APBB2: variants seen among roughly 807,000 people sequenced by gnomAD.
APBB2 encodes the protein amyloid beta precursor protein binding family B member 2, also known as Fe65-like 1.
APBB2 carries 38 observed loss-of-function variants against 82.5 expected under a neutral mutation model. The observed-to-expected ratio is 0.46, with a 90% CI of 0.36 to 0.60. The LOEUF (loss-of-function observed/expected upper bound fraction) is 0.60, where lower values mean the gene tolerates loss of function less well. APBB2 is among the 20% of genes least tolerant of loss of function. The pLI is 0.00. For synonymous variants in APBB2, 341 were observed against 368.2 expected (o/e 0.93, Z 0.85); for missense variants, 772 against 972.3 (o/e 0.79, Z 2.74).
intron 5 of APBB2, among the ~76,000 whole-genome samples, chr4:41,022,423 T>G (rs565044866): frequency 1.1e-4 from 17 of 152,320 alleles, no homozygotes; most frequent in African/African-American, 3.1e-4. Context: ...CATGGAATGC[T>G]CTGATCGCAT....
chr4:40,884,085 C>T (rs1215330926), intron 12 of APBB2, among the ~76,000 whole-genome samples: 2 of 152,216 alleles, frequency 1.3e-5, no homozygotes, highest in Non-Finnish European at 2.9e-5. Flanking sequence ...GACCCAGCCT[C>T]TCCTCCCCTG....
chr4:41,019,044 C>A (rs913190809), intron 5 of APBB2, among the ~76,000 whole-genome samples: 2 of 152,164 alleles, frequency 1.3e-5, no homozygotes, highest in Non-Finnish European at 2.9e-5. Context: ...ATTGAAGAGT[C>A]TGGTGAATTG....
At chr4:41,091,311 C>A (rs534333164) in intron 3 of APBB2, among the ~76,000 whole-genome samples, 2 of 152,044 alleles carry the variant, frequency 1.3e-5, no homozygotes, top group Non-Finnish European at 2.9e-5. Flanking sequence ...TTTGCTCCAA[C>A]CTCCACTTCT....
intron 3 of APBB2, among the ~76,000 whole-genome samples, chr4:41,073,920 C>A (rs1490967646): frequency 6.6e-6 from 1 of 152,212 alleles, no homozygotes; most frequent in Non-Finnish European, 1.5e-5. Flanking sequence ...TCAAGACCAG[C>A]CTGGGCAATG....
chr4:40,900,415 A>G (rs1774933600), intron 10 of APBB2, among the ~76,000 whole-genome samples: 2 of 151,294 alleles, frequency 1.3e-5, no homozygotes, highest in African/African-American at 4.9e-5. Context: ...TGAAGGATAC[A>G]CTGAGGCACA....
intron 1 of APBB2, among the ~76,000 whole-genome samples, chr4:41,170,007 C>T (rs931252768): frequency 1.3e-4 from 20 of 151,944 alleles, no homozygotes; most frequent in Non-Finnish European, 2.1e-4. Flanking sequence ...ATTCAAAATC[C>T]GCATATAATA....
intron 1 of APBB2, among the ~76,000 whole-genome samples, chr4:41,178,623 C>T (rs1770477351): frequency 6.6e-6 from 1 of 152,322 alleles, no homozygotes; most frequent in African/African-American, 2.4e-5. Context: ...TCAAGGCTCA[C>T]ATCACCATCT....
chr4:40,918,580 A>G (rs997400850), intron 10 of APBB2, among the ~76,000 whole-genome samples: 4 of 152,190 alleles, frequency 2.6e-5, no homozygotes, highest in Non-Finnish European at 5.9e-5. Context: ...CTCAATAACA[A>G]CACGAACACT....
At chr4:41,135,924 G>A (rs1757432782) in intron 2 of APBB2, among the ~76,000 whole-genome samples, 1 of 152,158 alleles carries the variant, frequency 6.6e-6, no homozygotes, top group African/African-American at 2.4e-5. Context: ...TCTTGCCTCA[G>A]CCTCCTGAAT....
chr4:41,142,136 TCA>T, intron 2 of APBB2, among the ~76,000 whole-genome samples: 1 of 151,636 alleles, frequency 6.6e-6, no homozygotes, highest in Admixed American at 6.6e-5. Flanking sequence ...ATTCACTACT[TCA>T]CAGATTCTGA....
intron 2 of APBB2, among the ~76,000 whole-genome samples, chr4:41,123,812 C>G (rs2153996957): frequency 6.6e-6 from 1 of 151,896 alleles, no homozygotes; most frequent in South Asian, 2.1e-4. Context: ...GACAGCAAGA[C>G]TCTGTCTCAC....
At chr4:40,924,092 G>A (rs1782011222) in intron 10 of APBB2, among the ~76,000 whole-genome samples, 2 of 152,246 alleles carry the variant, frequency 1.3e-5, no homozygotes, top group Non-Finnish European at 2.9e-5. Flanking sequence ...ACGACCAGCT[G>A]TGCAAGCTTG....
chr4:40,863,701 T>C (rs1282616818), intron 12 of APBB2, among the ~76,000 whole-genome samples: 1 of 151,780 alleles, frequency 6.6e-6, no homozygotes, highest in African/African-American at 2.4e-5. Context: ...GAGGCCAGCC[T>C]GGCCAACATG....
chr4:40,856,243 G>A (rs923911605), intron 12 of APBB2, among the ~76,000 whole-genome samples: 1 of 152,212 alleles, frequency 6.6e-6, no homozygotes, highest in African/African-American at 2.4e-5. Context: ...CAGTAATGAA[G>A]ATTCACAGCT....
At chr4:40,934,822 G>A (rs1785015045) in intron 8 of APBB2, 123 bp from the exon 9 acceptor site, 2 of 761,484 alleles carry the variant, frequency 2.6e-6, no homozygotes, top group African/African-American at 1.8e-5. Context: ...CTTAGGCAGA[G>A]AAAGGCATGC....
rs779467299 is a variant in APBB2, at chr4:40,810,695, T to G, written c.*5397A>C. ...AGAAGAATTCTTCATGTTATCACTC[T>G]TGTACAGAAAGATATAAAGTGCTCA... On this transcript the variant is annotated 3_prime_UTR_variant, in exon 18 of 18. Transcript: ENST00000508593. The G allele has an allele frequency of 6.6e-6, 1 of 152,152 alleles. No individual in the cohort carries two copies. The highest frequency in any genetic ancestry group is 1.5e-5 in the Non-Finnish European group (1 of 68,010). 9.4% of individuals were successfully genotyped at this position (152,152 alleles called of 1,614,324 possible). A position where few individuals can be genotyped will look rare whatever the true frequency, so the allele number is the denominator to read the frequency against.
intron 1 of APBB2, among the ~76,000 whole-genome samples, chr4:41,211,808 T>C (rs35387550): frequency 0.079 from 12,099 of 152,264 alleles, 685 homozygotes; most frequent in Non-Finnish European, 0.12. Context: ...TAAAATGAAA[T>C]TGAAAAAGGT....
chr4:40,941,395 C>A (rs1220436760), intron 7 of APBB2, among the ~76,000 whole-genome samples: 6 of 152,152 alleles, frequency 3.9e-5, no homozygotes, highest in African/African-American at 1.4e-4. Flanking sequence ...TGTGACATAG[C>A]CTCCCTTAGG....
chr4:41,184,588 C>T (rs180894069), intron 1 of APBB2, among the ~76,000 whole-genome samples: 1 of 152,328 alleles, frequency 6.6e-6, no homozygotes, highest in East Asian at 1.9e-4. Context: ...CCCTCATCCA[C>T]TTTATTTTTC....
Sources: gnomAD v4.1 joint callset for allele counts (sites outside exome capture counted in the v4.1 genomes callset) on GRCh38, gnomAD v4.1.1 for gene constraint, MANE v1.5 for transcripts, NCBI Gene and HGNC (gene_info 2026-07-23, HGNC 2026-07-21) for gene names.